The following P4HA3 variants were observed in gnomAD, a reference collection of about 807,000 sequenced individuals.
The protein encoded by P4HA3 is prolyl 4-hydroxylase subunit alpha 3, also known as prolyl 4-hydroxylase subunit alpha-3.
P4HA3 carries 60 observed loss-of-function variants against 66.7 expected under a neutral mutation model. That is an observed-to-expected ratio of 0.90 (90% CI 0.73 to 1.12). The LOEUF is 1.12. Among genes scored for constraint, P4HA3 ranks in the 50% most tolerant of loss-of-function variants. The pLI is 0.00. For synonymous variants in P4HA3, 263 were observed against 274.6 expected (o/e 0.96, Z 0.42); for missense variants, 683 against 685.8 (o/e 1.00, Z 0.05).
chr11:74,268,038 A>C (rs1339181555), intron 12 of P4HA3, 107 bp downstream of exon 12: 2 of 942,060 alleles, frequency 2.1e-6, no homozygotes, highest in Admixed American at 4.0e-5. Flanking sequence ...GTGGCACTGT[A>C]ATGAAGCGTT....
At chr11:74,295,554 C>T (rs1565418512) in intron 4 of P4HA3, among the ~76,000 whole-genome samples, 1 of 152,138 alleles carries the variant, frequency 6.6e-6, no homozygotes, top group Non-Finnish European at 1.5e-5. Context: ...AAAATTACTA[C>T]ACCAAAATCC....
chr11:74,302,255 CA>C, intron 3 of P4HA3, 113 bp downstream of exon 3: 1 of 1,004,898 alleles, frequency 1.0e-6, no homozygotes, highest in Non-Finnish European at 1.5e-6. Flanking sequence ...GAAATGATAT[CA>C]AATTTCCAAG....
intron 10 of P4HA3, among the ~76,000 whole-genome samples, chr11:74,270,361 A>G (rs1860151398): frequency 6.6e-6 from 1 of 152,196 alleles, no homozygotes; most frequent in Non-Finnish European, 1.5e-5. Flanking sequence ...AGGGAACCCA[A>G]GCTAAGGAGT....
intron 8 of P4HA3, 41 bp downstream of exon 8, chr11:74,279,347 A>G: frequency 1.3e-6 from 2 of 1,580,142 alleles, no homozygotes; most frequent in Non-Finnish European, 1.7e-6. Context: ...CTACGGCCCG[A>G]GGGTGGGCAG....
At chr11:74,281,684 T>C (rs1591105310) in intron 7 of P4HA3, among the ~76,000 whole-genome samples, 1 of 151,608 alleles carries the variant, frequency 6.6e-6, no homozygotes, top group Admixed American at 6.6e-5. Flanking sequence ...TGAGATCACA[T>C]GGACACAGGA....
chr11:74,299,613 C>T (rs1200092806), intron 3 of P4HA3, among the ~76,000 whole-genome samples: 4 of 146,746 alleles, frequency 2.7e-5, no homozygotes, highest in African/African-American at 1.0e-4. Context: ...CTTCCGAACA[C>T]AAATTCGGAC....
chr11:74,250,916 T>G, intron 15 of P4HA3: 1 of 1,532,132 alleles, frequency 6.5e-7, no homozygotes, highest in Non-Finnish European at 8.9e-7. Context: ...GAGGGCTCTT[T>G]TAGTCGCTGA....
chr11:74,253,406 G>A, intron 15 of P4HA3: 1 of 1,404,350 alleles, frequency 7.1e-7, no homozygotes, highest in Admixed American at 1.8e-5. Context: ...TGGTCATTAG[G>A]GAGGGCTTCC....
At chr11:74,290,747 A>T (rs919317652) in intron 4 of P4HA3, among the ~76,000 whole-genome samples, 2 of 152,174 alleles carry the variant, frequency 1.3e-5, no homozygotes, top group Admixed American at 1.3e-4. Context: ...GAAAGATCAG[A>T]TAGTTGTAGA....
chr11:74,286,179 A>C, intron 6 of P4HA3, 49 bp downstream of exon 6: 1 of 1,582,936 alleles, frequency 6.3e-7, no homozygotes, highest in Non-Finnish European at 8.6e-7. Flanking sequence ...CTAGCTTCTC[A>C]AACTCTAGCC....
In P4HA3 at chr11:74,268,218, G is replaced by T; in HGVS notation, c.1491C>A (p.Asn497Lys). The change falls in exon 12 of 13, where the codon AAC (asparagine) becomes AAA (lysine). Residue 497 changes from asparagine (N) to lysine (K), a missense_variant. Transcript: ENST00000331597. ...TGTCCCCTTCACCACTCCTGTGCAG[G>T]TTCCACCAAAACAGTGCTGCATTCT... The part of the protein sequence containing the change: ...VVRNAALFWW[N>K]LHRSGEGDSD... 1 of 1,613,982 alleles carries T rather than the reference G, an allele frequency of 6.2e-7. No homozygotes were observed. Among genetic ancestry groups the T allele is most frequent in the Non-Finnish European group, 8.5e-7 (1 of 1,179,954 alleles).
In P4HA3 at chr11:74,276,993, G is replaced by A; in HGVS notation, c.1327C>T (p.His443Tyr). 6.2e-7 allele frequency: 1 copy of A among 1,613,236 alleles called. No homozygotes were observed. Among genetic ancestry groups the A allele is most frequent in the Middle Eastern group, 1.7e-4 (1 of 6,056 alleles). Residue 443 changes from histidine (H) to tyrosine (Y), a missense_variant, in exon 9 of 13, where the codon CAT (histidine) becomes TAT (tyrosine). By Grantham distance (83) the His-to-Tyr change is moderately conservative (BLOSUM62 2). Coordinates refer to ENST00000331597, the MANE Select transcript of P4HA3 (RefSeq NM_182904.5). Reference protein sequence around the residue: ...IGGHYEPHFDHATSPSSPLYR... With the variant: ...IGGHYEPHFDYATSPSSPLYR... ...ATTGACTCCACCATTACCGTAGCAT[G>A]GTCAAAGTGAGGCTCATAGTGTCCT...
chr11:74,279,242 C>T, intron 8 of P4HA3, 146 bp downstream of exon 8: 2 of 731,336 alleles, frequency 2.7e-6, no homozygotes, highest in South Asian at 1.7e-5. Context: ...GAAACTTCAC[C>T]CTCTTAAAAA....
chr11:74,291,786 G>C (rs1331886880), intron 4 of P4HA3, among the ~76,000 whole-genome samples: 1 of 152,120 alleles, frequency 6.6e-6, no homozygotes, highest in East Asian at 1.9e-4. Flanking sequence ...TGCATCCCAG[G>C]GATGAAGCCC....
intron 7 of P4HA3, among the ~76,000 whole-genome samples, chr11:74,283,427 T>C (rs1019916513): frequency 6.6e-6 from 1 of 152,158 alleles, no homozygotes; most frequent in African/African-American, 2.4e-5. Context: ...TTCTAGACTT[T>C]CCTGGAGGGG....
In P4HA3 at chr11:74,284,723, C is replaced by T. The variant is rs1443001470; in HGVS notation, c.1110+1086G>A. Among the ~76,000 whole-genome samples, 7 of 152,256 alleles carry T rather than the reference C, an allele frequency of 4.6e-5. No individual in the cohort carries two copies. The East Asian group carries it at 1.4e-3, about 29-fold the overall frequency. ...ACTTCCTTCCCCTAGAAGCATCTCT[C>T]TGGGGCTGCTGATGCCTGTCTGGTT... On this transcript the variant is annotated intron_variant, in intron 7 of 12. Transcript: ENST00000331597.
At chr11:74,255,093 A>G (rs1329761457) in intron 15 of P4HA3, among the ~76,000 whole-genome samples, 1 of 152,158 alleles carries the variant, frequency 6.6e-6, no homozygotes, top group Non-Finnish European at 1.5e-5. Flanking sequence ...AGATGACCAA[A>G]AGCCACTTCA....
At chr11:74,293,451 A>G (rs552876770) in intron 4 of P4HA3, among the ~76,000 whole-genome samples, 2 of 152,292 alleles carry the variant, frequency 1.3e-5, no homozygotes, top group East Asian at 3.9e-4. Context: ...TTTACATTTA[A>G]GGTTAATATT....
intron 5 of P4HA3, among the ~76,000 whole-genome samples, chr11:74,287,653 G>A (rs1354856870): frequency 6.6e-6 from 1 of 152,130 alleles, no homozygotes; most frequent in Non-Finnish European, 1.5e-5. Flanking sequence ...AAAAAGTTTT[G>A]TATACATGCA....
Sources: allele counts gnomAD v4.1 joint callset (sites outside exome capture counted in the v4.1 genomes callset), GRCh38; gene constraint gnomAD v4.1.1; transcripts MANE v1.5; gene names NCBI Gene and HGNC (gene_info 2026-07-23, HGNC 2026-07-21).